KAT6A: variants seen among roughly 807,000 people sequenced by gnomAD.
KAT6A encodes lysine acetyltransferase 6A.
In KAT6A, 9 loss-of-function variants were observed where a neutral mutation model predicts 198.4. The ratio of observed to expected loss-of-function variants is 0.05; its 90% CI spans 0.03 to 0.08. KAT6A has a LOEUF of 0.08. Ranked by LOEUF, KAT6A falls within the 10% of genes least tolerant of loss-of-function variation. The probability of loss-of-function intolerance (pLI) is 1.00; values close to 1 mark genes in which losing one functional copy is unlikely to be tolerated. For missense variants in KAT6A, 2,077 were observed against 2,509.9 expected (o/e 0.83, Z 3.69); for synonymous variants, 890 against 883.0 (o/e 1.01, Z -0.14).
At chr8:41,952,987 TAAGG>T (rs2150869873) in intron 9 of KAT6A, among the ~76,000 whole-genome samples, 1 of 152,314 alleles carries the variant, frequency 6.6e-6, no homozygotes, top group African/African-American at 2.4e-5. Flanking sequence ...TAAAACTGCT[TAAGG>T]AAGTTGATGA....
At position 42,004,663 on chromosome 8, in the gene KAT6A, C is replaced by T. The variant is rs550438348; in HGVS notation, c.601-17100G>A. The stretch of plus-strand genomic sequence containing the variant: ...TACTTCGGCCGGGTGCGGTGACTCA[C>T]ACCTGTAATCCCAGCACTTTGGGAG... On this transcript the variant is annotated intron_variant, in intron 2 of 16. Coordinates refer to ENST00000265713, the MANE Select transcript of KAT6A (RefSeq NM_006766.5). 7.2e-5 allele frequency among the ~76,000 whole-genome samples: 11 copies of T among 152,286 alleles called. No homozygotes were observed. In the South Asian group the frequency reaches 2.1e-3, roughly 29 times the overall value.
Position 42,048,573 on chromosome 8 carries a change from G to C in KAT6A, c.405C>G (p.Phe135Leu). The change falls in exon 2 of 17, where the codon TTC (phenylalanine) becomes TTG (leucine). Residue 135 changes from phenylalanine to leucine, a missense_variant. Transcript: ENST00000265713. ...GAAAGCCAGAGGCAGCACTGCCTCC[G>C]AATAATGCAGACACATCCTTCTGAC... ...LKGQKDVSAL[F>L]GGSAASGFHQ... The C allele has an allele frequency of 6.2e-7, 1 of 1,614,156 alleles. No homozygotes were observed. Among genetic ancestry groups the C allele is most frequent in the Non-Finnish European group, 8.5e-7 (1 of 1,180,032 alleles).
chr8:41,959,115 C>G (rs1384723808), intron 8 of KAT6A, among the ~76,000 whole-genome samples: 1 of 145,262 alleles, frequency 6.9e-6, no homozygotes, highest in Non-Finnish European at 1.5e-5. Flanking sequence ...GAGCCCAGAT[C>G]GCGCCACTGC....
intron 2 of KAT6A, among the ~76,000 whole-genome samples, chr8:42,038,475 G>C (rs540891902): frequency 1.4e-4 from 21 of 152,292 alleles, no homozygotes; most frequent in African/African-American, 5.1e-4. Flanking sequence ...CATTAAGGAA[G>C]AGAATTCTAA....
chr8:41,955,255 T>A (rs765293393), intron 9 of KAT6A, 41 bp downstream of exon 9: 16 of 1,211,116 alleles, frequency 1.3e-5, no homozygotes, highest in Non-Finnish European at 1.8e-5. Flanking sequence ...CAGACTTCTA[T>A]GGATCTCAAA....
chr8:42,024,332 T>C (rs971436745), intron 2 of KAT6A, among the ~76,000 whole-genome samples: 7 of 152,232 alleles, frequency 4.6e-5, no homozygotes, highest in African/African-American at 1.4e-4. Context: ...AATATATTCA[T>C]AATTGTACAT....
chr8:41,941,359 A>T lies in KAT6A; in HGVS notation c.2522T>A (p.Val841Asp). Residue 841 changes from valine to aspartate, a missense_variant, in exon 15 of 17, where the codon GTC becomes GAC. By Grantham distance (152) the Val-to-Asp change is radical. Around this residue, in one of 13 missense-constraint regions of KAT6A, gnomAD observed 301 missense variants for 272.2 expected, o/e 1.11. Coordinates refer to ENST00000265713, the MANE Select transcript of KAT6A (RefSeq NM_006766.5). ...TTGTTTGCTCAAACGTGTAGAACTG[A>T]CTGGAGCCATAACTTCTGGTTTCTT... is the stretch of plus-strand genomic sequence containing the variant. ...SEKKPEVMAP[V>D]SSTRLSKQVL... is the part of the protein sequence containing the mutation. 6.2e-7 allele frequency: 1 copy of T among 1,612,140 alleles called. No individual in the cohort carries two copies. The highest frequency in any genetic ancestry group is 1.1e-5 in the South Asian group (1 of 91,062).
chr8:42,006,995 CAAAAAAAA>C (rs10701182), intron 2 of KAT6A, among the ~76,000 whole-genome samples: 9 of 88,202 alleles, frequency 1.0e-4, no homozygotes, highest in African/African-American at 3.9e-4. Flanking sequence ...GACTCCATCT[CAAAAAAAA>C]AAAAAAAAAA....
At chr8:42,008,668 C>T (rs981085166) in intron 2 of KAT6A, among the ~76,000 whole-genome samples, 3 of 152,016 alleles carry the variant, frequency 2.0e-5, no homozygotes, top group African/African-American at 7.2e-5. Flanking sequence ...TTTTTTAACA[C>T]TGTTCTCAAG....
chr8:41,989,436 G>A (rs1469267631), intron 2 of KAT6A, among the ~76,000 whole-genome samples: 5 of 152,064 alleles, frequency 3.3e-5, no homozygotes, highest in Non-Finnish European at 7.4e-5. Context: ...TTGAACCCGG[G>A]AGGTAGAGGT....
intron 8 of KAT6A, chr8:41,956,989 C>T (rs1422276568): frequency 3.9e-6 from 2 of 511,182 alleles, no homozygotes; most frequent in South Asian, 1.5e-5. Context: ...ATACCAGAAA[C>T]CAGATCTAAC....
rs1329934329 is a variant in KAT6A, at chr8:42,048,643, T to A, written c.335A>T (p.Glu112Val). The change falls in exon 2 of 17, where the codon GAG becomes GTG. Residue 112 changes from glutamate (E) to valine (V), a missense_variant. Glu to Val is a moderately radical substitution (Grantham distance 121). Around this residue, in one of 13 missense-constraint regions of KAT6A, gnomAD observed 185 missense variants for 185.7 expected, o/e 1.00. Coordinates refer to ENST00000265713, the MANE Select transcript of KAT6A (RefSeq NM_006766.5). ...LIKRAVEGLA[E>V]SGGSTLKSIE... ...GCTTTTCAAAGTTGAGCCACCAGACTCTGCCAAGCCCTCAACTGCCCGCTT... is the reference window on the plus strand; with the variant it reads ...GCTTTTCAAAGTTGAGCCACCAGACACTGCCAAGCCCTCAACTGCCCGCTT... The A allele has an allele frequency of 6.2e-7, 1 of 1,614,212 alleles. No individual in the cohort carries two copies. Among genetic ancestry groups the A allele is most frequent in the Admixed American group, 1.7e-5 (1 of 60,030 alleles).
At chr8:41,976,477 G>C (rs1824059750) in intron 7 of KAT6A, among the ~76,000 whole-genome samples, 1 of 152,164 alleles carries the variant, frequency 6.6e-6, no homozygotes, top group Non-Finnish European at 1.5e-5. Context: ...GCAGCCTGGA[G>C]CTGTGGTTCT....
chr8:41,967,061 A>C (rs1426468712), intron 8 of KAT6A, among the ~76,000 whole-genome samples: 2 of 152,086 alleles, frequency 1.3e-5, no homozygotes, highest in Non-Finnish European at 2.9e-5. Context: ...AATTTTAATA[A>C]CCCGCACAGA....
intron 8 of KAT6A, among the ~76,000 whole-genome samples, chr8:41,962,315 C>T (rs1823238668): frequency 6.6e-6 from 1 of 152,048 alleles, no homozygotes; most frequent in African/African-American, 2.4e-5. Flanking sequence ...TACTTGATAT[C>T]CCCTCTCACA....
At chr8:41,960,138 G>C (rs927750049) in intron 8 of KAT6A, among the ~76,000 whole-genome samples, 1 of 151,960 alleles carries the variant, frequency 6.6e-6, no homozygotes, top group Non-Finnish European at 1.5e-5. Flanking sequence ...ATGCTTACCA[G>C]GGGTGGGGGT....
At chr8:42,019,799 G>A (rs6987070) in intron 2 of KAT6A, among the ~76,000 whole-genome samples, 110,081 of 152,106 alleles carry the variant, frequency 0.72, 41,008 homozygotes, top group African/African-American at 0.92. Flanking sequence ...CTCCTTCTAT[G>A]TATCATGGTT....
chr8:41,953,801 A>C (rs1822785869), intron 9 of KAT6A, among the ~76,000 whole-genome samples: 3 of 152,200 alleles, frequency 2.0e-5, no homozygotes, highest in Admixed American at 1.3e-4. Context: ...TTGGCTATTC[A>C]GAATTCCTGA....
chr8:42,009,264 A>G (rs1410438422), intron 2 of KAT6A, among the ~76,000 whole-genome samples: 2 of 152,156 alleles, frequency 1.3e-5, no homozygotes, highest in Non-Finnish European at 2.9e-5. Flanking sequence ...AAGAACAGGA[A>G]CCATAAAGTA....
Sources: allele counts gnomAD v4.1 joint callset (sites outside exome capture counted in the v4.1 genomes callset), GRCh38; gene constraint gnomAD v4.1.1; regional missense constraint gnomAD v4.1.1; transcripts MANE v1.5; gene names NCBI Gene and HGNC (gene_info 2026-07-23, HGNC 2026-07-21).